The following GNA14 variants were observed in gnomAD, a reference collection of about 807,000 sequenced individuals.
GNA14 encodes G protein subunit alpha 14.
In GNA14, 50 loss-of-function variants were observed where a neutral mutation model predicts 42.0. The ratio of observed to expected loss-of-function variants is 1.19; its 90% CI spans 0.95 to 1.51. The LOEUF (loss-of-function observed/expected upper bound fraction) is 1.51. Among genes scored for constraint, GNA14 ranks in the 40% most tolerant of loss-of-function variants. The pLI is 0.00. For synonymous variants in GNA14, 173 were observed against 163.1 expected (o/e 1.06, Z -0.46); for missense variants, 473 against 446.2 (o/e 1.06, Z -0.54).
intron 1 of GNA14, among the ~76,000 whole-genome samples, chr9:77,646,726 A>T (rs1020821428): frequency 6.6e-6 from 1 of 152,262 alleles, no homozygotes; most frequent in African/African-American, 2.4e-5. Flanking sequence ...AGCTGATATC[A>T]TGGTCTGAAA....
chr9:77,589,556 T>C (rs141142311), intron 1 of GNA14, among the ~76,000 whole-genome samples: 1 of 152,276 alleles, frequency 6.6e-6, no homozygotes, highest in Non-Finnish European at 1.5e-5. Flanking sequence ...AGGTACTGTG[T>C]TTGTTGAAAG....
intron 2 of GNA14, among the ~76,000 whole-genome samples, chr9:77,447,358 G>A (rs10116050): frequency 0.2 from 30,216 of 152,078 alleles, 3,118 homozygotes; most frequent in East Asian, 0.37. Flanking sequence ...CTACAGTACT[G>A]CTTCTTATAC....
chr9:77,428,979 C>T lies in GNA14; in HGVS notation c.651G>A (p.Glu217=), dbSNP rs1835501044. The change falls in exon 5 of 7, where the codon GAG becomes GAA. Residue 217 remains glutamate (E), a synonymous_variant. Coordinates refer to ENST00000341700, the MANE Select transcript of GNA14 (RefSeq NM_004297.4). ...SERRKWIHCF[E]SVTSIIFLVA... is the part of the protein sequence containing the mutation. ...CCAAGAAAATAATGGAGGTGACACT[C>T]TCAAAGCAGTGAATCCACTTCCGTC... The T allele has an allele frequency of 6.2e-7, 1 of 1,613,760 alleles. No individual in the cohort carries two copies. The highest frequency in any genetic ancestry group is 8.5e-7 in the Non-Finnish European group (1 of 1,179,762).
chr9:77,613,907 C>T (rs1823771301), intron 1 of GNA14, among the ~76,000 whole-genome samples: 1 of 151,950 alleles, frequency 6.6e-6, no homozygotes, highest in Non-Finnish European at 1.5e-5. Context: ...GGATTAGCAG[C>T]TGTTTCTCCC....
rs1451950806 is a variant in GNA14, at chr9:77,425,529, A to C, written c.877+33T>G. 1.9e-6 allele frequency: 3 copies of C among 1,546,930 alleles called. No homozygotes were observed. The African/African-American group carries it at 4.1e-5, about 21-fold the overall frequency. ...TGCCCGGGAGGTGGACGAGATCAGC[A>C]CAGAAAACACTGTCCACAAGATAGA... On this transcript the variant is annotated intron_variant, in intron 6 of 6. Coordinates refer to ENST00000341700, the MANE Select transcript of GNA14 (RefSeq NM_004297.4).
chr9:77,480,833 A>G (rs1003893408), intron 2 of GNA14, among the ~76,000 whole-genome samples: 13 of 152,138 alleles, frequency 8.5e-5, no homozygotes, highest in Admixed American at 3.3e-4. Flanking sequence ...GTTTATTTGC[A>G]TAGAGGTGTT....
chr9:77,487,784 A>C (rs559271278), intron 2 of GNA14, among the ~76,000 whole-genome samples: 1 of 152,342 alleles, frequency 6.6e-6, no homozygotes, highest in South Asian at 2.1e-4. Flanking sequence ...AGGAATTAGA[A>C]GTACCTACCA....
At chr9:77,645,125 C>A (rs925918548) in intron 1 of GNA14, among the ~76,000 whole-genome samples, 1 of 152,220 alleles carries the variant, frequency 6.6e-6, no homozygotes, top group African/African-American at 2.4e-5. Flanking sequence ...GAAACATCCT[C>A]ACATCATTTT....
intron 1 of GNA14, among the ~76,000 whole-genome samples, chr9:77,625,169 C>A (rs1007346886): frequency 1.3e-4 from 19 of 151,454 alleles, no homozygotes; most frequent in South Asian, 2.1e-4. Context: ...GATTGAAGAT[C>A]AACTTAACGA....
At chr9:77,523,684 T>C (rs1837394818) in intron 2 of GNA14, among the ~76,000 whole-genome samples, 1 of 152,048 alleles carries the variant, frequency 6.6e-6, no homozygotes. Context: ...ATGACCCCAG[T>C]GTAGTTTGGC....
intron 1 of GNA14, among the ~76,000 whole-genome samples, chr9:77,618,149 A>G (rs1823852964): frequency 1.3e-5 from 2 of 152,086 alleles, no homozygotes; most frequent in African/African-American, 4.8e-5. Flanking sequence ...TTAAAAAACA[A>G]CAACAACAAC....
intron 1 of GNA14, among the ~76,000 whole-genome samples, chr9:77,644,391 C>T (rs557717331): frequency 3.7e-5 from 5 of 134,118 alleles, no homozygotes; most frequent in South Asian, 4.8e-4. Flanking sequence ...AGGTCAAGGC[C>T]GTAGGAAGCC....
chr9:77,435,707 T>A (rs1336356981), intron 2 of GNA14, among the ~76,000 whole-genome samples: 1 of 152,192 alleles, frequency 6.6e-6, no homozygotes, highest in Admixed American at 6.5e-5. Flanking sequence ...TCTCATTTAA[T>A]CAATGGGAGG....
chr9:77,473,764 T>G (rs1836371885), intron 2 of GNA14, among the ~76,000 whole-genome samples: 1 of 152,134 alleles, frequency 6.6e-6, no homozygotes, highest in African/African-American at 2.4e-5. Flanking sequence ...ATTTTAAAAC[T>G]TACTACAAAG....
chr9:77,444,153 G>A (rs1835777895), intron 2 of GNA14, among the ~76,000 whole-genome samples: 1 of 152,192 alleles, frequency 6.6e-6, no homozygotes, highest in African/African-American at 2.4e-5. Flanking sequence ...TTCCCAGAAT[G>A]CCCCACCATG....
intron 1 of GNA14, among the ~76,000 whole-genome samples, chr9:77,541,882 T>C (rs1837665239): frequency 6.6e-6 from 1 of 152,150 alleles, no homozygotes; most frequent in Non-Finnish European, 1.5e-5. Context: ...TTCCAGAATC[T>C]CTGTTTTATT....
intron 2 of GNA14, among the ~76,000 whole-genome samples, chr9:77,491,141 T>C (rs964136832): frequency 2.0e-5 from 3 of 152,226 alleles, no homozygotes; most frequent in Non-Finnish European, 4.4e-5. Context: ...CTTTTAAATA[T>C]GAAAGAAAGA....
chr9:77,437,822 C>T (rs555128182), intron 2 of GNA14, among the ~76,000 whole-genome samples: 4 of 152,176 alleles, frequency 2.6e-5, no homozygotes, highest in African/African-American at 9.6e-5. Context: ...ATATGTGGCA[C>T]GAGTGAGCAA....
At chr9:77,425,781 T>C (rs1354648740) in intron 5 of GNA14, 66 bp from the exon 6 acceptor site, 51 of 1,129,564 alleles carry the variant, frequency 4.5e-5, no homozygotes, top group Non-Finnish European at 6.3e-5. Context: ...ACATGGCGCA[T>C]TGCCAGTCCA....
Sources: gnomAD v4.1 joint callset for allele counts (sites outside exome capture counted in the v4.1 genomes callset) on GRCh38, gnomAD v4.1.1 for gene constraint, MANE v1.5 for transcripts, NCBI Gene and HGNC (gene_info 2026-07-23, HGNC 2026-07-21) for gene names.